Variants in HPSE2 observed in about 807,000 individuals in gnomAD.
The protein encoded by HPSE2 is heparanase 2 (inactive).
HPSE2 carries 38 observed loss-of-function variants against 60.5 expected under a neutral mutation model. The ratio of observed to expected loss-of-function variants is 0.63; its 90% CI spans 0.48 to 0.82. The LOEUF (loss-of-function observed/expected upper bound fraction) is 0.82. Among genes scored for constraint, HPSE2 ranks in the 40% least tolerant of loss-of-function variants. The pLI is 0.00. For synonymous variants in HPSE2, 295 were observed against 293.2 expected (o/e 1.01, Z -0.06); for missense variants, 713 against 740.4 (o/e 0.96, Z 0.43).
At chr10:98,974,315 T>C (rs1345805987) in intron 3 of HPSE2, among the ~76,000 whole-genome samples, 1 of 145,404 alleles carries the variant, frequency 6.9e-6, no homozygotes, top group Non-Finnish European at 1.5e-5. Context: ...GAAAGAAAGA[T>C]TTGTAATGCC....
intron 2 of HPSE2, among the ~76,000 whole-genome samples, chr10:99,149,591 C>T (rs1846183279): frequency 6.6e-6 from 1 of 152,078 alleles, no homozygotes; most frequent in Admixed American, 6.5e-5. Context: ...GTAATAGAGA[C>T]ATATTAGGAA....
chr10:98,487,365 C>T (rs906286128), intron 10 of HPSE2, among the ~76,000 whole-genome samples: 33 of 152,172 alleles, frequency 2.2e-4, no homozygotes, highest in Non-Finnish European at 5.9e-5. Context: ...CAAGGGGCTG[C>T]CATGACAGGC....
chr10:98,788,733 T>G (rs918190600), intron 3 of HPSE2, among the ~76,000 whole-genome samples: 2 of 151,784 alleles, frequency 1.3e-5, no homozygotes, highest in African/African-American at 4.8e-5. Context: ...ACCCCTTTCT[T>G]TGACTCGGAA....
At chr10:98,798,702 T>C (rs1194632086) in intron 3 of HPSE2, among the ~76,000 whole-genome samples, 2 of 152,174 alleles carry the variant, frequency 1.3e-5, no homozygotes, top group African/African-American at 2.4e-5. Context: ...GCAAGCCTCA[T>C]TGTAACCTCA....
the HPSE2 span, among the ~76,000 whole-genome samples, chr10:99,242,158 G>T: frequency 6.6e-6 from 1 of 152,196 alleles, no homozygotes; most frequent in East Asian, 1.9e-4. Context: ...TCTCTGTCCT[G>T]CCAGGAGAAG....
At chr10:98,920,949 G>C (rs1032108223) in intron 3 of HPSE2, among the ~76,000 whole-genome samples, 3 of 152,126 alleles carry the variant, frequency 2.0e-5, no homozygotes, top group Non-Finnish European at 4.4e-5. Context: ...AGAATATTTG[G>C]ATGACATTGC....
At chr10:99,187,642 A>C (rs1218555466) in intron 2 of HPSE2, among the ~76,000 whole-genome samples, 1 of 152,250 alleles carries the variant, frequency 6.6e-6, no homozygotes. Context: ...AACAATGTTC[A>C]TTATCATTAG....
chr10:99,275,866 T>C, the HPSE2 span, among the ~76,000 whole-genome samples: 2 of 152,072 alleles, frequency 1.3e-5, no homozygotes, highest in Admixed American at 6.6e-5. Flanking sequence ...AACCCTTCTA[T>C]TGGGAATGAA....
In HPSE2 at chr10:99,104,572, A is replaced by G. The variant is rs186291102; in HGVS notation, c.610+39666T>C. Among the ~76,000 whole-genome samples, 1,011 of 152,334 alleles carry G rather than the reference A, an allele frequency of 6.6e-3. 8 individuals carry two copies. The highest frequency in any genetic ancestry group is 9.6e-3 in the Non-Finnish European group (655 of 68,030). ...CCATCCCATTATTGGGTATATACCC[A>G]AAGGATTATAAATCATGCTGCTATA... On this transcript the variant is annotated intron_variant, in intron 3 of 11. Coordinates refer to ENST00000370552, the MANE Select transcript of HPSE2 (RefSeq NM_021828.5).
At chr10:98,987,432 G>A (rs955627099) in intron 3 of HPSE2, among the ~76,000 whole-genome samples, 3 of 152,258 alleles carry the variant, frequency 2.0e-5, no homozygotes, top group African/African-American at 2.4e-5. Flanking sequence ...AAAGGCCTTT[G>A]ACAAAATTCA....
intron 3 of HPSE2, among the ~76,000 whole-genome samples, chr10:99,043,791 A>G (rs117458787): frequency 0.019 from 2,921 of 152,314 alleles, 47 homozygotes; most frequent in Non-Finnish European, 0.029. Flanking sequence ...CTGGCTCTTC[A>G]AATCAACCCA....
At chr10:99,084,511 T>C (rs988090437) in intron 3 of HPSE2, among the ~76,000 whole-genome samples, 15 of 152,158 alleles carry the variant, frequency 9.9e-5, no homozygotes, top group African/African-American at 3.6e-4. Context: ...CTTTTCCTTA[T>C]ACTCAGAGAG....
At chr10:99,280,673 A>G in the HPSE2 span, among the ~76,000 whole-genome samples, 130,236 of 152,180 alleles carry the variant, frequency 0.86, 56,096 homozygotes, top group African/African-American at 0.92. Context: ...TATGTAACAC[A>G]GCTCTCACTT....
At chr10:99,257,171 T>C in the HPSE2 span, among the ~76,000 whole-genome samples, 3 of 152,198 alleles carry the variant, frequency 2.0e-5, no homozygotes, top group Non-Finnish European at 4.4e-5. Flanking sequence ...GACACTGTGA[T>C]GATTGCGTTA....
chr10:98,533,353 A>AC, intron 9 of HPSE2, among the ~76,000 whole-genome samples: 1 of 152,356 alleles, frequency 6.6e-6, no homozygotes, highest in African/African-American at 2.4e-5. Flanking sequence ...GTTTGAAGAT[A>AC]GAATAATGCC....
chr10:99,032,801 T>C (rs998852002), intron 3 of HPSE2, among the ~76,000 whole-genome samples: 16 of 152,194 alleles, frequency 1.1e-4, no homozygotes, highest in African/African-American at 3.4e-4. Context: ...CCTTGGCTCA[T>C]AAGCCACTTC....
intron 10 of HPSE2, 113 bp from the exon 11 acceptor site, chr10:98,482,895 A>G: frequency 8.6e-7 from 1 of 1,167,248 alleles, no homozygotes; most frequent in Non-Finnish European, 1.3e-6. Context: ...ATGGCACTTA[A>G]AAACTTGGCC....
At chr10:98,550,209 TC>T (rs535893252) in intron 9 of HPSE2, among the ~76,000 whole-genome samples, 113 of 152,336 alleles carry the variant, frequency 7.4e-4, no homozygotes, top group African/African-American at 2.5e-3. Context: ...AAACTTCCTT[TC>T]TTTTCCCAGC....
At chr10:98,893,073 T>G (rs948293567) in intron 3 of HPSE2, among the ~76,000 whole-genome samples, 2 of 152,042 alleles carry the variant, frequency 1.3e-5, no homozygotes, top group Middle Eastern at 3.2e-3. Context: ...ATTTATTTAT[T>G]TATTTATTTT....
Sources: allele counts gnomAD v4.1 joint callset (sites outside exome capture counted in the v4.1 genomes callset), GRCh38; gene constraint gnomAD v4.1.1; transcripts MANE v1.5; gene names NCBI Gene and HGNC (gene_info 2026-07-23, HGNC 2026-07-21).